The following CAPZB variants were observed in gnomAD, a reference collection of about 807,000 sequenced individuals.
CAPZB encodes the protein capping actin protein of muscle Z-line subunit beta.
CAPZB carries 2 observed loss-of-function variants against 38.1 expected under a neutral mutation model. That is an observed-to-expected ratio of 0.05 (90% CI 0.02 to 0.17). The LOEUF is 0.17. CAPZB is among the 10% of genes least tolerant of loss of function. The pLI is 1.00. For missense variants in CAPZB, 161 were observed against 334.2 expected, an observed-to-expected ratio of 0.48 and a Z score of 4.04; for synonymous variants, 107 against 127.4, an observed-to-expected ratio of 0.84 and a Z score of 1.08.
chr1:19,406,815 G>GC (rs1445668430), intron 2 of CAPZB, among the ~76,000 whole-genome samples: 2 of 152,150 alleles, frequency 1.3e-5, no homozygotes, highest in African/African-American at 2.4e-5. Context: ...AGTATTTTGC[G>GC]CAAGTTTGAC....
At chr1:19,456,338 A>G (rs1287070953) in intron 1 of CAPZB, among the ~76,000 whole-genome samples, 1 of 152,236 alleles carries the variant, frequency 6.6e-6, no homozygotes, top group Admixed American at 6.5e-5. Flanking sequence ...AATACTAATG[A>G]CACCTCTAAG....
At chr1:19,405,576 T>C (rs1249400787) in intron 2 of CAPZB, among the ~76,000 whole-genome samples, 3 of 146,648 alleles carry the variant, frequency 2.0e-5, no homozygotes, top group Admixed American at 1.4e-4. Context: ...TCCCCTTGTA[T>C]GAAGGATAAT....
At chr1:19,366,300 AT>A (rs1283362436) in intron 4 of CAPZB, among the ~76,000 whole-genome samples, 3 of 107,442 alleles carry the variant, frequency 2.8e-5, no homozygotes, top group African/African-American at 1.3e-4. Context: ...ATATATATAT[AT>A]ATATATATAA....
At chr1:19,417,234 A>T (rs901812226) in intron 2 of CAPZB, among the ~76,000 whole-genome samples, 7 of 152,212 alleles carry the variant, frequency 4.6e-5, no homozygotes, top group Non-Finnish European at 8.8e-5. Context: ...CAGTTGCCAT[A>T]AGAACAAAAT....
intron 2 of CAPZB, among the ~76,000 whole-genome samples, chr1:19,401,307 C>T (rs1566532): frequency 0.39 from 58,932 of 151,850 alleles, 11,904 homozygotes; most frequent in African/African-American, 0.52. Context: ...AACACAAACA[C>T]AAAAGGGCAA....
chr1:19,368,091 C>CT lies in CAPZB; in HGVS notation c.329+10448dup, dbSNP rs202057029. On this transcript the variant is annotated intron_variant, in intron 4 of 8. Transcript: ENST00000264202. ...ATTCTGTGTCAGGGGCTTTGCATAT[C>CT]TTTTTTTTACAGTTAAGAAAACTGT... Among the ~76,000 whole-genome samples the CT allele has an allele frequency of 3.9e-3, 592 of 152,118 alleles. 7 individuals carry two copies. Among genetic ancestry groups the CT allele is most frequent in the Admixed American group, 0.02 (302 of 15,292 alleles).
chr1:19,361,455 G>A (rs1385763640), intron 4 of CAPZB, among the ~76,000 whole-genome samples: 2 of 152,230 alleles, frequency 1.3e-5, no homozygotes, highest in African/African-American at 4.8e-5. Context: ...GGTTAGAAAG[G>A]CCTGTTTCAG....
chr1:19,430,822 A>T (rs1181814671), intron 1 of CAPZB, among the ~76,000 whole-genome samples: 3 of 152,104 alleles, frequency 2.0e-5, no homozygotes, highest in Non-Finnish European at 4.4e-5. Flanking sequence ...GCTTTTTACA[A>T]CATATACAAT....
chr1:19,395,443 G>A (rs890062976), intron 2 of CAPZB, among the ~76,000 whole-genome samples: 4 of 152,170 alleles, frequency 2.6e-5, no homozygotes, highest in African/African-American at 9.7e-5. Context: ...TCCTGGGCTC[G>A]CTTTCAGCCA....
intron 1 of CAPZB, among the ~76,000 whole-genome samples, chr1:19,445,939 T>A (rs1387592341): frequency 6.6e-6 from 1 of 152,194 alleles, no homozygotes; most frequent in Non-Finnish European, 1.5e-5. Context: ...AGGAGGGCAG[T>A]CCATGGCTTT....
At chr1:19,358,219 C>T (rs1026426543) in intron 4 of CAPZB, among the ~76,000 whole-genome samples, 1 of 152,240 alleles carries the variant, frequency 6.6e-6, no homozygotes, top group Non-Finnish European at 1.5e-5. Context: ...CTCACTGCAA[C>T]CTCCGCCTCC....
chr1:19,461,097 G>C (rs965175801), intron 1 of CAPZB, among the ~76,000 whole-genome samples: 3 of 10,684 alleles, frequency 2.8e-4, no homozygotes, highest in African/African-American at 3.0e-4. Flanking sequence ...GGGCGGGGGC[G>C]GGGGGGGGAG....
chr1:19,427,803 C>T (rs1484043195), intron 1 of CAPZB, among the ~76,000 whole-genome samples: 1 of 152,236 alleles, frequency 6.6e-6, no homozygotes, highest in Non-Finnish European at 1.5e-5. Context: ...ATCACAGCCA[C>T]GACAGAAGTC....
intron 1 of CAPZB, among the ~76,000 whole-genome samples, chr1:19,448,426 CCTCT>C (rs2094503492): frequency 6.6e-6 from 1 of 152,120 alleles, no homozygotes. Flanking sequence ...ACATTACTTC[CCTCT>C]CTGACAACCG....
chr1:19,398,751 A>G (rs1420715567), intron 2 of CAPZB, among the ~76,000 whole-genome samples: 1 of 152,076 alleles, frequency 6.6e-6, no homozygotes, highest in Non-Finnish European at 1.5e-5. Context: ...GAGTTACAGA[A>G]AGTGAGGCAG....
At chr1:19,442,150 A>C (rs2094479539) in intron 1 of CAPZB, among the ~76,000 whole-genome samples, 1 of 152,042 alleles carries the variant, frequency 6.6e-6, no homozygotes, top group African/African-American at 2.4e-5. Flanking sequence ...AGCCTGTTAC[A>C]TTATTACTGT....
chr1:19,396,276 T>C (rs2094268509), intron 2 of CAPZB, among the ~76,000 whole-genome samples: 1 of 152,152 alleles, frequency 6.6e-6, no homozygotes, highest in African/African-American at 2.4e-5. Context: ...GGTGGAAAAC[T>C]AGGGCCACTT....
At chr1:19,481,754 T>G (rs1409499444) in intron 1 of CAPZB, among the ~76,000 whole-genome samples, 1 of 152,206 alleles carries the variant, frequency 6.6e-6, no homozygotes, top group African/African-American at 2.4e-5. Context: ...CCAAAAGGCC[T>G]GGGAGTGGAG....
chr1:19,393,522 G>A (rs2094249164), intron 2 of CAPZB, among the ~76,000 whole-genome samples: 2 of 152,378 alleles, frequency 1.3e-5, no homozygotes, highest in South Asian at 4.1e-4. Flanking sequence ...GGCTGTCCCA[G>A]CCAACACGAG....
Sources: gnomAD v4.1 joint callset for allele counts (sites outside exome capture counted in the v4.1 genomes callset) on GRCh38, gnomAD v4.1.1 for gene constraint, MANE v1.5 for transcripts, NCBI Gene and HGNC (gene_info 2026-07-23, HGNC 2026-07-21) for gene names.